The following TPPP variants were observed in gnomAD, a reference collection of about 807,000 sequenced individuals.
TPPP encodes tubulin polymerization-promoting protein.
TPPP carries 6 observed loss-of-function variants against 15.5 expected under a neutral mutation model. The ratio of observed to expected loss-of-function variants is 0.39; its 90% confidence interval spans 0.21 to 0.77. The LOEUF (loss-of-function observed/expected upper bound fraction) is 0.77, where lower values mean the gene tolerates loss of function less well. Ranked by LOEUF, TPPP falls within the 30% of genes least tolerant of loss-of-function variation. TPPP has a pLI of 0.42. For missense variants in TPPP, 269 were observed against 307.2 expected, an observed-to-expected ratio of 0.88 and a Z score of 0.93; for synonymous variants, 146 against 133.9, an observed-to-expected ratio of 1.09 and a Z score of -0.63.
chr5:685,629 C>T (rs1465078315), intron 1 of TPPP, among the ~76,000 whole-genome samples: 1 of 152,242 alleles, frequency 6.6e-6, no homozygotes, highest in African/African-American at 2.4e-5. Flanking sequence ...AGAGAGATGG[C>T]TGCGGAGGAG....
chr5:676,895 ACG>A (rs148992140), intron 2 of TPPP, among the ~76,000 whole-genome samples: 27,447 of 141,066 alleles, frequency 0.19, 4,945 homozygotes, highest in African/African-American at 0.54. Context: ...CGACGCAGAA[ACG>A]CGCACGCGCG....
rs1373094005 is a variant in TPPP at position 668,035 on chromosome 5, G to A, written c.312-1912C>T. Among the ~76,000 whole-genome samples, 2 of 42,792 alleles carry A rather than the reference G, an allele frequency of 4.7e-5. 1 individual carries two copies. The highest frequency in any genetic ancestry group is 4.2e-4 in the Admixed American group (2 of 4,756). The allele number at this position is 42,792 out of a possible 152,430, so 28.1% of individuals were successfully genotyped here. A position where few individuals can be genotyped will look rare whatever the true frequency, so the allele number is the denominator to read the frequency against. ...GTACCGACAAGCACACAGAGAGGGG[G>A]CCGTGTGGGCGCCGTCAGGGAAGTA... On this transcript the variant is annotated intron_variant, in intron 2 of 3. Transcript: ENST00000360578.
At chr5:693,030 C>G (rs1222497113) in intron 1 of TPPP, among the ~76,000 whole-genome samples, 5 of 150,244 alleles carry the variant, frequency 3.3e-5, no homozygotes, top group Admixed American at 2.7e-4. Flanking sequence ...GCGCGGCCGA[C>G]GGTGACCCCC....
the TPPP span, among the ~76,000 whole-genome samples, chr5:700,297 T>C: frequency 1.3e-5 from 2 of 151,968 alleles, no homozygotes; most frequent in Non-Finnish European, 2.9e-5. Flanking sequence ...TTGAGCAACA[T>C]GGATAGAGGC....
At chr5:675,498 C>CAGTGCGG (rs1740397676) in intron 2 of TPPP, among the ~76,000 whole-genome samples, 4 of 78,230 alleles carry the variant, frequency 5.1e-5, no homozygotes, top group Non-Finnish European at 1.1e-4. Flanking sequence ...ACATTGTGGC[C>CAGTGCGG]GGGGCTGCAG....
intron 1 of TPPP, among the ~76,000 whole-genome samples, chr5:684,460 A>G (rs1740713552): frequency 6.6e-6 from 1 of 152,092 alleles, no homozygotes; most frequent in Non-Finnish European, 1.5e-5. Flanking sequence ...CCCAGAGGAC[A>G]AGGGGACAGC....
At chr5:668,612 C>G (rs559838522) in intron 2 of TPPP, among the ~76,000 whole-genome samples, 2 of 152,232 alleles carry the variant, frequency 1.3e-5, no homozygotes, top group South Asian at 4.1e-4. Flanking sequence ...CACACCCGGC[C>G]GAGCAACGCG....
At chr5:684,196 C>G (rs1479459211) in intron 1 of TPPP, among the ~76,000 whole-genome samples, 4 of 152,260 alleles carry the variant, frequency 2.6e-5, no homozygotes, top group Non-Finnish European at 5.9e-5. Flanking sequence ...TCTGCAACGC[C>G]CAGTGCTCCA....
At chr5:667,090 T>G (rs1739949039) in intron 2 of TPPP, 1 of 152,224 alleles carries the variant, frequency 6.6e-6, no homozygotes, top group Non-Finnish European at 1.5e-5. Context: ...CCAGCAAGCC[T>G]TTCCAGAAGT....
In TPPP at chr5:661,957, G is replaced by GGA. The variant is rs1739631026; in HGVS notation, c.*3143_*3144dup. 1 of 152,050 alleles carries GGA rather than the reference G, an allele frequency of 6.6e-6. No individual in the cohort carries two copies. Among genetic ancestry groups the GGA allele is most frequent in the Non-Finnish European group, 1.5e-5 (1 of 67,968 alleles). The allele number at this position is 152,050 out of a possible 1,614,324, so 9.4% of individuals were successfully genotyped here. A position where few individuals can be genotyped will look rare whatever the true frequency, so the allele number is the denominator to read the frequency against. On this transcript the variant is annotated 3_prime_UTR_variant, in exon 4 of 4. Coordinates refer to ENST00000360578, the MANE Select transcript of TPPP (RefSeq NM_007030.3). ...GGGCACCAACCCTGGAAGTGTGGAG[G>GGA]GAGAGTGGGGGCGTGGGGCCTCTCC...
rs1373928752 is a variant in TPPP at position 662,090 on chromosome 5, C to T, written c.*3012G>A. ...GGCCTAGGGTTTGGGATGCACGCCACGATTTTCTCTCTCAGAGTGAAGGGA... is the reference window on the plus strand; with the variant it reads ...GGCCTAGGGTTTGGGATGCACGCCATGATTTTCTCTCTCAGAGTGAAGGGA... On this transcript the variant is annotated 3_prime_UTR_variant, in exon 4 of 4. Transcript: ENST00000360578. 1.3e-5 allele frequency: 2 copies of T among 152,408 alleles called. No homozygotes were observed. Among genetic ancestry groups the T allele is most frequent in the Non-Finnish European group, 2.9e-5 (2 of 68,078 alleles). 9.4% of individuals were successfully genotyped at this position (152,408 alleles called of 1,614,324 possible).
chr5:667,891 G>T (rs59316147), intron 2 of TPPP, among the ~76,000 whole-genome samples: 6,651 of 48,310 alleles, frequency 0.14, 945 homozygotes, highest in African/African-American at 0.32. Context: ...CAGAGAGGGG[G>T]CCGTGTGGGC....
rs925763658 is a variant in TPPP at position 661,659 on chromosome 5, A to C, written c.*3443T>G. On this transcript the variant is annotated 3_prime_UTR_variant, in exon 4 of 4. Coordinates refer to ENST00000360578, the MANE Select transcript of TPPP (RefSeq NM_007030.3). Reference sequence around the variant, plus strand: ...GAAGATGCACGGGTCTGTTATGTGCAGTGGGGCTGCCGTCCAAACAATGTT... The same window carrying C: ...GAAGATGCACGGGTCTGTTATGTGCCGTGGGGCTGCCGTCCAAACAATGTT... 6.6e-6 allele frequency: 1 copy of C among 152,432 alleles called. No homozygotes were observed. The highest frequency in any genetic ancestry group is 2.1e-4 in the South Asian group (1 of 4,830). 9.4% of individuals were successfully genotyped at this position (152,432 alleles called of 1,614,324 possible).
At chr5:670,427 A>G (rs1740177845) in intron 2 of TPPP, among the ~76,000 whole-genome samples, 1 of 152,108 alleles carries the variant, frequency 6.6e-6, no homozygotes, top group African/African-American at 2.4e-5. Context: ...CTGGGGAAAC[A>G]GCCTCTCCCT....
At chr5:699,927 T>C in the TPPP span, among the ~76,000 whole-genome samples, 1 of 151,708 alleles carries the variant, frequency 6.6e-6, no homozygotes, top group Middle Eastern at 3.2e-3. Context: ...ATGGCTATTA[T>C]TAAAGTCTAA....
At chr5:676,975 ACACACGACGCAGAAACGCG>A (rs144568725) in intron 2 of TPPP, among the ~76,000 whole-genome samples, 17,675 of 149,800 alleles carry the variant, frequency 0.12, 1,231 homozygotes, top group South Asian at 0.18. Context: ...ACAGAAACGC[ACACACGACGCAGAAACGCG>A]CACACGTGCA....
chr5:695,527 A>G (rs1740995471), upstream of TPPP, among the ~76,000 whole-genome samples: 1 of 149,020 alleles, frequency 6.7e-6, no homozygotes, highest in African/African-American at 2.5e-5. Flanking sequence ...TGGGTTGAAC[A>G]ACAGGGCTTT....
chr5:671,517 TG>T (rs1740223788), intron 2 of TPPP, among the ~76,000 whole-genome samples: 1 of 152,234 alleles, frequency 6.6e-6, no homozygotes, highest in South Asian at 2.1e-4. Flanking sequence ...GTCAGGCTCA[TG>T]GGGCAAAGTG....
intron 1 of TPPP, among the ~76,000 whole-genome samples, chr5:688,139 A>C (rs1471691817): frequency 3.3e-5 from 4 of 120,724 alleles, no homozygotes; most frequent in African/African-American, 1.2e-4. Flanking sequence ...ATGAACGAAA[A>C]GACACACTAG....
Sources: allele counts gnomAD v4.1 joint callset (sites outside exome capture counted in the v4.1 genomes callset), GRCh38; gene constraint gnomAD v4.1.1; transcripts MANE v1.5; gene names NCBI Gene and HGNC (gene_info 2026-07-23, HGNC 2026-07-21).